The following DIP2A variants were observed in gnomAD, a reference collection of about 807,000 sequenced individuals.
DIP2A encodes DIP2 acetate--CoA ligase A.
In DIP2A, 85 loss-of-function variants were observed where a neutral mutation model predicts 177.4. The ratio of observed to expected loss-of-function variants is 0.48; its 90% confidence interval spans 0.40 to 0.57. The LOEUF is 0.57. DIP2A is among the 20% of genes least tolerant of loss of function. DIP2A has a pLI of 0.00. For missense variants in DIP2A, 1,791 were observed against 2,100.2 expected (o/e 0.85, Z 2.88); for synonymous variants, 886 against 881.8 (o/e 1.00, Z -0.08).
At chr21:46,477,355 T>A (rs1272076787) in intron 1 of DIP2A, among the ~76,000 whole-genome samples, 1 of 151,560 alleles carries the variant, frequency 6.6e-6, no homozygotes, top group African/African-American at 2.4e-5. Flanking sequence ...GGTGAAACCT[T>A]GTCTCTACTA....
intron 5 of DIP2A, among the ~76,000 whole-genome samples, chr21:46,502,648 G>A (rs1010561845): frequency 9.9e-5 from 15 of 151,930 alleles, no homozygotes; most frequent in South Asian, 2.1e-4. Flanking sequence ...GGGTTTCACC[G>A]TGTTGGCCAG....
chr21:46,484,347 C>T (rs2056548231), intron 1 of DIP2A, among the ~76,000 whole-genome samples: 1 of 152,206 alleles, frequency 6.6e-6, no homozygotes. Flanking sequence ...AACGCATATG[C>T]TCATGTAACC....
intron 6 of DIP2A, among the ~76,000 whole-genome samples, chr21:46,508,779 T>C (rs1317247433): frequency 6.6e-6 from 1 of 151,680 alleles, no homozygotes; most frequent in Non-Finnish European, 1.5e-5. Context: ...TCCCAGCAGT[T>C]TGGGAGGCCA....
chr21:46,516,901 G>A (rs1005831495), intron 8 of DIP2A, among the ~76,000 whole-genome samples: 4 of 151,798 alleles, frequency 2.6e-5, no homozygotes, highest in African/African-American at 9.7e-5. Context: ...CTAATACTCT[G>A]GAAAAATTTC....
chr21:46,469,038 G>T (rs1771212516), intron 1 of DIP2A: 1 of 152,126 alleles, frequency 6.6e-6, no homozygotes. Flanking sequence ...ACAGAATAAA[G>T]TGCCTGTGCT....
intron 3 of DIP2A, among the ~76,000 whole-genome samples, chr21:46,492,917 G>A (rs1304683241): frequency 6.9e-6 from 1 of 144,248 alleles, no homozygotes; most frequent in Non-Finnish European, 1.5e-5. Context: ...TCCAGCCTGA[G>A]TGAGACTCTG....
In DIP2A at chr21:46,550,722, C is replaced by A; in HGVS notation, c.2817C>A (p.Pro939=). ...MCPHTCVTNL[P]KPRQKQPEVG... The stretch of plus-strand genomic sequence containing the variant: ...CTCACACCTGTGTTACCAACCTCCC[C>A]AAACCTCGTCAGAAACAACCAGGTT... The change falls in exon 23 of 38, where the codon CCC becomes CCA. Residue 939 remains proline (P), a synonymous_variant. Transcript: ENST00000417564. 1 of 1,614,030 alleles carries A rather than the reference C, an allele frequency of 6.2e-7. No homozygotes were observed. Among genetic ancestry groups the A allele is most frequent in the East Asian group, 2.2e-5 (1 of 44,882 alleles).
At chr21:46,485,635 G>A (rs966633260) in intron 2 of DIP2A, among the ~76,000 whole-genome samples, 2 of 151,932 alleles carry the variant, frequency 1.3e-5, no homozygotes, top group Non-Finnish European at 2.9e-5. Context: ...TGTCACTAAA[G>A]GTACCAAAAA....
chr21:46,518,377 G>A lies in DIP2A; in HGVS notation c.1102+6763G>A, dbSNP rs143768785. Among the ~76,000 whole-genome samples, 728 of 152,232 alleles carry A rather than the reference G, an allele frequency of 4.8e-3. 8 individuals carry two copies. Among genetic ancestry groups the A allele is most frequent in the African/African-American group, 0.016 (682 of 41,532 alleles). On this transcript the variant is annotated intron_variant, in intron 8 of 37. Transcript: ENST00000417564. ...CCATCAGTGTGGGTGGGCCCTACCT[G>A]CTCCCCATCATTATCAGCACTTGGT...
chr21:46,492,532 T>A (rs2057073746), intron 3 of DIP2A, among the ~76,000 whole-genome samples: 1 of 152,212 alleles, frequency 6.6e-6, no homozygotes, highest in South Asian at 2.1e-4. Flanking sequence ...TGGGCTCGAT[T>A]ATATCCTCTC....
At chr21:46,548,224 G>A (rs1233922923) in intron 21 of DIP2A, among the ~76,000 whole-genome samples, 4 of 152,088 alleles carry the variant, frequency 2.6e-5, no homozygotes, top group Admixed American at 6.6e-5. Context: ...GTGCGCCTGC[G>A]TGCAGGGGGA....
At chr21:46,497,783 C>T (rs1265797114) in intron 4 of DIP2A, among the ~76,000 whole-genome samples, 1 of 152,038 alleles carries the variant, frequency 6.6e-6, no homozygotes, top group African/African-American at 2.4e-5. Flanking sequence ...CCAAACACAC[C>T]AGATTCGTAA....
At chr21:46,469,255 A>G (rs1381940822) in intron 1 of DIP2A, 1 of 152,264 alleles carries the variant, frequency 6.6e-6, no homozygotes, top group Middle Eastern at 3.2e-3. Context: ...TGAAAACTTC[A>G]CATGGTGTTT....
intron 1 of DIP2A, among the ~76,000 whole-genome samples, chr21:46,470,925 T>G (rs980381635): frequency 2.8e-5 from 4 of 140,946 alleles, no homozygotes; most frequent in African/African-American, 1.2e-4. Flanking sequence ...GAAATTCTGT[T>G]TCAGAAAAAA....
Position 46,557,245 on chromosome 21 carries a change from A to T in DIP2A, c.3629+176A>T. 1.4e-6 allele frequency: 1 copy of T among 701,754 alleles called. No individual in the cohort carries two copies. The highest frequency in any genetic ancestry group is 2.3e-6 in the Non-Finnish European group (1 of 435,026). The allele number at this position is 701,754 out of a possible 1,614,324, so 43.5% of individuals were successfully genotyped here. ...TGAGTCTGAAATTGAGTGAAAATAC[A>T]TTTTTCATTAAATACACTGTCCGTT... On this transcript the variant is annotated intron_variant, in intron 30 of 37. Coordinates refer to ENST00000417564, the MANE Select transcript of DIP2A (RefSeq NM_015151.4). The surrounding 1 kb of genome is among the most constrained non-coding windows in gnomAD (Gnocchi z 6.0).
At chr21:46,486,019 C>T (rs1041677727) in intron 2 of DIP2A, among the ~76,000 whole-genome samples, 8 of 138,264 alleles carry the variant, frequency 5.8e-5, no homozygotes, top group South Asian at 2.3e-4. Flanking sequence ...TGCAGTGAGC[C>T]GAGATTGTGC....
intron 12 of DIP2A, 36 bp from the exon 13 acceptor site, chr21:46,534,549 A>G: frequency 6.3e-7 from 1 of 1,589,034 alleles, no homozygotes; most frequent in Non-Finnish European, 8.6e-7. Context: ...ACCTCTAGAA[A>G]TACCACATCA....
At chr21:46,558,797 A>G (rs1366530384) in intron 32 of DIP2A, 1 of 268,882 alleles carries the variant, frequency 3.7e-6, no homozygotes, top group Non-Finnish European at 7.3e-6. Context: ...TGTCTTATTA[A>G]AAGGAAGCAC....
At chr21:46,495,225 TTCTCTTCTCTTCTCTTCTTTCTCTCTC>T (rs2057258107) in intron 3 of DIP2A, among the ~76,000 whole-genome samples, 21 of 94,094 alleles carry the variant, frequency 2.2e-4, no homozygotes, top group South Asian at 9.9e-4. Flanking sequence ...TTCTCTTCTC[TTCTCTTCTCTTCTCTTCTTTCTCTCTC>T]TCTCTCTCTC....
Sources: allele counts gnomAD v4.1 joint callset (sites outside exome capture counted in the v4.1 genomes callset), GRCh38; gene constraint gnomAD v4.1.1; non-coding constraint Gnocchi (gnomAD v3.1); transcripts MANE v1.5; gene names NCBI Gene and HGNC (gene_info 2026-07-23, HGNC 2026-07-21).